The following ATP6V1C2 variants were observed in gnomAD, a reference collection of about 807,000 sequenced individuals.
The protein encoded by ATP6V1C2 is V-type proton ATPase subunit C 2.
ATP6V1C2 carries 45 observed loss-of-function variants against 56.8 expected under a neutral mutation model. The observed-to-expected ratio is 0.79, with a 90% CI of 0.62 to 1.02. The LOEUF is 1.02. ATP6V1C2 is among the 50% of genes least tolerant of loss of function. ATP6V1C2 has a pLI of 0.00. For synonymous variants in ATP6V1C2, 220 were observed against 201.3 expected (o/e 1.09, Z -0.79); for missense variants, 463 against 519.7 (o/e 0.89, Z 1.06).
In ATP6V1C2 at chr2:10,740,050, T is replaced by G. The variant is rs138171950; in HGVS notation, c.197+13481T>G. On this transcript the variant is annotated intron_variant, in intron 3 of 13. Transcript: ENST00000272238. Reference sequence around the variant, plus strand: ...TTGCAGTGAGCTGAGATCACGCCTCTGCACTCCAGCCTGAGTGACAGAGTG... The same window carrying G: ...TTGCAGTGAGCTGAGATCACGCCTCGGCACTCCAGCCTGAGTGACAGAGTG... Among the ~76,000 whole-genome samples the G allele has an allele frequency of 1.4e-3, 201 of 143,980 alleles. 2 individuals carry two copies. Among genetic ancestry groups the G allele is most frequent in the African/African-American group, 4.3e-3 (168 of 38,708 alleles). 94.5% of individuals were successfully genotyped at this position (143,980 alleles called of 152,430 possible).
Position 10,784,335 on chromosome 2 carries a change from C to T in ATP6V1C2, c.*1072C>T, listed in dbSNP as rs747146777. On this transcript the variant is annotated 3_prime_UTR_variant, in exon 14 of 14. Coordinates refer to ENST00000272238, the MANE Select transcript of ATP6V1C2 (RefSeq NM_001039362.2). ...TCATCCTCCACGGGAAGCTGGGAGA[C>T]GACAGAAAGCCACTGTTAGATCTGC... The T allele has an allele frequency of 1.8e-5, 29 of 1,610,322 alleles. No homozygotes were observed. Among genetic ancestry groups the T allele is most frequent in the Middle Eastern group, 1.6e-4 (1 of 6,074 alleles).
At chr2:10,726,911 A>G (rs1333658390) in intron 3 of ATP6V1C2, among the ~76,000 whole-genome samples, 1 of 152,140 alleles carries the variant, frequency 6.6e-6, no homozygotes, top group Non-Finnish European at 1.5e-5. Flanking sequence ...CATAGCACAA[A>G]ATTTCAACTA....
chr2:10,721,468 G>A (rs548055517), upstream of ATP6V1C2, among the ~76,000 whole-genome samples: 101 of 152,244 alleles, frequency 6.6e-4, 1 homozygote, highest in Non-Finnish European at 1.0e-3. Context: ...GACCCTGCGC[G>A]TCTCCTCCGC....
rs1356855964 is a variant in ATP6V1C2 at position 10,775,060 on chromosome 2, A to T, written c.814A>T (p.Lys272Ter). Residue 272 changes from lysine to a stop codon, truncating the protein, a stop_gained, in exon 10 of 14, where the codon AAG becomes TAG. Transcript: ENST00000272238. LOFTEE classifies it high-confidence loss of function. ...EEMARLLSDKKQQYQTSCVAL... is the reference protein window; with the variant it reads ...EEMARLLSDK ...GATGGCCAGATTGCTGTCTGATAAG[A>T]AGCAACAGTATGTGAGTATGTGATT... The T allele has an allele frequency of 6.2e-7, 1 of 1,613,458 alleles. No individual in the cohort carries two copies. The highest frequency in any genetic ancestry group is 8.5e-7 in the Non-Finnish European group (1 of 1,179,528).
At position 10,722,770 on chromosome 2, in the gene ATP6V1C2, GAC is replaced by G; in HGVS notation, c.-26-50_-26-49del. On this transcript the variant is annotated intron_variant, in intron 1 of 13. Coordinates refer to ENST00000272238, the MANE Select transcript of ATP6V1C2 (RefSeq NM_001039362.2). Reference sequence around the variant, plus strand: ...AGGGAGTGGTGAGGCGGGGATATCTGACACATCTCTCCTTCTGTTTCTGTTTG... The same window carrying G: ...AGGGAGTGGTGAGGCGGGGATATCTGACATCTCTCCTTCTGTTTCTGTTTG... 3 of 1,561,886 alleles carry G rather than the reference GAC, an allele frequency of 1.9e-6. No homozygotes were observed. In the Admixed American group the frequency reaches 5.3e-5, roughly 27 times the overall value.
At position 10,744,794 on chromosome 2, in the gene ATP6V1C2, G is replaced by A. The variant is rs533190728; in HGVS notation, c.198-9187G>A. Among the ~76,000 whole-genome samples the A allele has an allele frequency of 2.7e-3, 396 of 148,836 alleles. 1 individual carries two copies. The highest frequency in any genetic ancestry group is 9.2e-3 in the African/African-American group (371 of 40,488). ...AGCAATTCTCCTGCCTCTGCCTCCC[G>A]AGTAGCTGGGACTACAGGCGTGCGC... On this transcript the variant is annotated intron_variant, in intron 3 of 13. Transcript: ENST00000272238.
Position 10,779,943 on chromosome 2 carries a change from G to A in ATP6V1C2, c.1061+1274G>A, listed in dbSNP as rs1665246771. On this transcript the variant is annotated intron_variant, in intron 12 of 13. Transcript: ENST00000272238. Reference sequence around the variant, plus strand: ...TCTGCCCTGTGTGGCTGCGTCCCGCGTCACGGAGCACTGCGCACCGCCTGC... The same window carrying A: ...TCTGCCCTGTGTGGCTGCGTCCCGCATCACGGAGCACTGCGCACCGCCTGC... Among the ~76,000 whole-genome samples the A allele has an allele frequency of 2.0e-5, 3 of 152,088 alleles. No homozygotes were observed. In the East Asian group the frequency reaches 5.8e-4, roughly 29 times the overall value.
At chr2:10,775,756 G>A (rs1007835726) in intron 10 of ATP6V1C2, among the ~76,000 whole-genome samples, 1 of 152,166 alleles carries the variant, frequency 6.6e-6, no homozygotes, top group Admixed American at 6.5e-5. Flanking sequence ...AGGTTCTCCT[G>A]CTGCGATGCT....
At chr2:10,773,304 G>A (rs968069085) in intron 8 of ATP6V1C2, among the ~76,000 whole-genome samples, 2 of 152,214 alleles carry the variant, frequency 1.3e-5, no homozygotes, top group Admixed American at 1.3e-4. Context: ...TCAGGATGGA[G>A]TGAGTGGCAC....
intron 8 of ATP6V1C2, 99 bp downstream of exon 8, chr2:10,772,709 C>T: frequency 9.4e-7 from 1 of 1,068,742 alleles, no homozygotes; most frequent in Non-Finnish European, 1.5e-6. Flanking sequence ...TGTGAGGCTC[C>T]CCAGCTTTCC....
intron 4 of ATP6V1C2, among the ~76,000 whole-genome samples, 157 bp downstream of exon 4, chr2:10,754,223 A>G (rs1469282117): frequency 6.6e-6 from 1 of 151,046 alleles, no homozygotes; most frequent in Non-Finnish European, 1.5e-5. Context: ...ACTTGCTTTT[A>G]TTTATTTATA....
At chr2:10,728,962 CA>C (rs1282538752) in intron 3 of ATP6V1C2, among the ~76,000 whole-genome samples, 15,772 of 112,694 alleles carry the variant, frequency 0.14, 2,112 homozygotes, top group East Asian at 0.4. Context: ...CATGAAAATA[CA>C]AAAAAAAAAA....
chr2:10,777,581 T>C lies in ATP6V1C2; in HGVS notation c.826-4T>C. 1 of 1,605,400 alleles carries C rather than the reference T, an allele frequency of 6.2e-7. No individual in the cohort carries two copies. The highest frequency in any genetic ancestry group is 8.5e-7 in the Non-Finnish European group (1 of 1,177,866). On this transcript the variant is annotated splice_polypyrimidine_tract_variant and splice_region_variant and intron_variant, in intron 10 of 13. Coordinates refer to ENST00000272238, the MANE Select transcript of ATP6V1C2 (RefSeq NM_001039362.2). ...AGATTAATAAATCATTTCTGTGCCT[T>C]TAGCAAACTTCCTGTGTTGCTCTTA...
At chr2:10,743,817 T>A (rs1294399400) in intron 3 of ATP6V1C2, among the ~76,000 whole-genome samples, 1 of 151,780 alleles carries the variant, frequency 6.6e-6, no homozygotes, top group East Asian at 1.9e-4. Flanking sequence ...AAACCCCATC[T>A]TTACTAAAAA....
chr2:10,784,588 G>T lies in ATP6V1C2; in HGVS notation c.*1325G>T. ...GAACGTGTCCTTTTGAGGAGGGTGG[G>T]ACACAACAGTACAGAAATAAGTGCT... is the stretch of plus-strand genomic sequence containing the variant. On this transcript the variant is annotated 3_prime_UTR_variant, in exon 14 of 14. Coordinates refer to ENST00000272238, the MANE Select transcript of ATP6V1C2 (RefSeq NM_001039362.2). 1.9e-6 allele frequency: 1 copy of T among 527,854 alleles called. No homozygotes were observed. Among genetic ancestry groups the T allele is most frequent in the Non-Finnish European group, 3.3e-6 (1 of 301,088 alleles). 32.7% of individuals were successfully genotyped at this position (527,854 alleles called of 1,614,324 possible).
Position 10,773,220 on chromosome 2 carries a change from G to A in ATP6V1C2, c.638+610G>A, listed in dbSNP as rs1237252550. Among the ~76,000 whole-genome samples, 6 of 152,170 alleles carry A rather than the reference G, an allele frequency of 3.9e-5. No homozygotes were observed. In the East Asian group the frequency reaches 7.7e-4, roughly 20 times the overall value. On this transcript the variant is annotated intron_variant, in intron 8 of 13. Coordinates refer to ENST00000272238, the MANE Select transcript of ATP6V1C2 (RefSeq NM_001039362.2). Reference sequence around the variant, plus strand: ...AATGGATGTGAAATGGGCGTGACTCGGGCACACACAGGTGCACAAGGAATT... The same window carrying A: ...AATGGATGTGAAATGGGCGTGACTCAGGCACACACAGGTGCACAAGGAATT...
intron 3 of ATP6V1C2, among the ~76,000 whole-genome samples, chr2:10,745,609 G>C (rs1184238652): frequency 2.0e-5 from 3 of 152,126 alleles, no homozygotes; most frequent in Admixed American, 2.0e-4. Flanking sequence ...CTAAAGTGCT[G>C]GGTTTACAGG....
rs765350554 is a variant in ATP6V1C2, at chr2:10,778,708, G to C, written c.1061+39G>C. The C allele has an allele frequency of 3.7e-6, 6 of 1,601,744 alleles. No homozygotes were observed. In the Admixed American group the frequency reaches 8.3e-5, roughly 22 times the overall value. On this transcript the variant is annotated intron_variant, in intron 12 of 13. Coordinates refer to ENST00000272238, the MANE Select transcript of ATP6V1C2 (RefSeq NM_001039362.2). ...ATGCCCCGGCTGGGACTGTCCTGAG[G>C]ATGGGCAGGGTCTGGGGGAGCTATC...
At position 10,723,656 on chromosome 2, in the gene ATP6V1C2, G is replaced by A. The variant is rs188482135; in HGVS notation, c.129+678G>A. The stretch of plus-strand genomic sequence containing the variant: ...GATCGAGACCATCCTGGCTAACACG[G>A]TGAAACCCCGTCTCTACTAAAAAAT... On this transcript the variant is annotated intron_variant, in intron 2 of 13. Transcript: ENST00000272238. Among the ~76,000 whole-genome samples the A allele has an allele frequency of 6.2e-3, 948 of 151,704 alleles. 11 individuals are homozygous for A. The highest frequency in any genetic ancestry group is 0.021 in the African/African-American group (886 of 41,382).
Sources: gnomAD v4.1 joint callset for allele counts (sites outside exome capture counted in the v4.1 genomes callset) on GRCh38, gnomAD v4.1.1 for gene constraint, MANE v1.5 for transcripts, NCBI Gene and HGNC (gene_info 2026-07-23, HGNC 2026-07-21) for gene names.